Variants in HEPH observed in about 807,000 individuals in gnomAD.
The protein encoded by HEPH is hephaestin.
Under a neutral mutation model 80.8 loss-of-function variants are expected in HEPH, and 69 were observed. That is an observed-to-expected ratio of 0.85 (90% CI 0.70 to 1.04). The LOEUF (loss-of-function observed/expected upper bound fraction) is 1.04. Among genes scored for constraint, HEPH ranks in the 50% least tolerant of loss-of-function variants. HEPH has a pLI of 0.00. For synonymous variants in HEPH, 431 were observed against 322.8 expected, an observed-to-expected ratio of 1.34 and a Z score of -3.60; for missense variants, 1,115 against 891.3, an observed-to-expected ratio of 1.25 and a Z score of -3.20.
intron 13 of HEPH, 109 bp downstream of exon 13, chrX:66,203,686 A>G (rs2088605638): frequency 6.2e-6 from 4 of 642,310 alleles, no homozygotes; most frequent in Non-Finnish European, 9.5e-6. Flanking sequence ...CTAATGTGAT[A>G]CCAACAGATT....
In HEPH at chrX:66,173,577, T is replaced by C; in HGVS notation, c.413-12T>C. On this transcript the variant is annotated splice_polypyrimidine_tract_variant and intron_variant, in intron 3 of 20. Transcript: ENST00000343002. ...TTATTCTGGGCCTGTGCATGTACAATTTCATTTCTAGGTTCCCTATACCCA... is the reference window on the plus strand; with the variant it reads ...TTATTCTGGGCCTGTGCATGTACAACTTCATTTCTAGGTTCCCTATACCCA... 1 of 1,186,369 alleles carries C rather than the reference T, an allele frequency of 8.4e-7. No individual in the cohort carries two copies. The highest frequency in any genetic ancestry group is 1.1e-6 in the Non-Finnish European group (1 of 874,567).
chrX:66,189,993 C>T lies in HEPH; in HGVS notation c.1063+55C>T, dbSNP rs1421528648. On this transcript the variant is annotated intron_variant, in intron 6 of 20. Transcript: ENST00000343002. ...TGTAAGAGAGAGGTATGATAATGGTCAAGGGAGGCTGGGTTTCTGGCCTGA... is the reference window on the plus strand; with the variant it reads ...TGTAAGAGAGAGGTATGATAATGGTTAAGGGAGGCTGGGTTTCTGGCCTGA... 5 of 1,100,244 alleles carry T rather than the reference C, an allele frequency of 4.5e-6. No individual in the cohort carries two copies. In the East Asian group the frequency reaches 1.0e-4, roughly 22 times the overall value. The allele number at this position is 1,100,244 out of a possible 1,213,427, so 90.7% of individuals were successfully genotyped here. A position where few individuals can be genotyped will look rare whatever the true frequency, so the allele number is the denominator to read the frequency against.
Position 66,164,387 on chromosome X carries a change from A to C in HEPH, c.-97A>C. On this transcript the variant is annotated 5_prime_UTR_variant, in exon 1 of 21. It removes an upstream start codon present in the reference 5' UTR. Coordinates refer to ENST00000343002, the MANE Select transcript of HEPH (RefSeq NM_001367233.3). ...CCTGTAACCAAGATACTGACTGAAC[A>C]TGGCTGGCGGACTCAGGCTGGGGTC... 1 of 753,693 alleles carries C rather than the reference A, an allele frequency of 1.3e-6. No homozygotes were observed. The highest frequency in any genetic ancestry group is 1.6e-6 in the Non-Finnish European group (1 of 638,828). The allele number at this position is 753,693 out of a possible 1,213,427, so 62.1% of individuals were successfully genotyped here.
chrX:66,170,625 C>T lies in HEPH; in HGVS notation c.55C>T (p.Gln19Ter). 8.3e-7 allele frequency: 1 copy of T among 1,210,553 alleles called. No homozygotes were observed. The highest frequency in any genetic ancestry group is 1.1e-6 in the Non-Finnish European group (1 of 894,680). Residue 19 changes from glutamine to a stop codon, truncating the protein, a stop_gained, in exon 2 of 21, where the codon CAA (glutamine) becomes TAA (stop). Coordinates refer to ENST00000343002, the MANE Select transcript of HEPH (RefSeq NM_001367233.3). LOFTEE classifies it high-confidence loss of function. The part of the protein sequence containing the change: ...ALLFMQSLWP[Q>*]LTDGATRVYY... The stretch of plus-strand genomic sequence containing the variant: ...GCTGTTCATGCAGTCCTTGTGGCCT[C>T]AACTGACTGATGGAGCCACTCGAGT...
intron 15 of HEPH, among the ~76,000 whole-genome samples, chrX:66,228,178 C>A (rs2089971029): frequency 9.0e-6 from 1 of 111,552 alleles, no homozygotes; most frequent in Non-Finnish European, 1.9e-5. Flanking sequence ...GAAAATCAAG[C>A]AAAAGGGGTT....
intron 19 of HEPH, among the ~76,000 whole-genome samples, chrX:66,261,855 G>T (rs1394950422): frequency 1.8e-5 from 2 of 112,356 alleles, no homozygotes; most frequent in African/African-American, 6.5e-5. Context: ...CAGATTTACA[G>T]AAACTTCTTT....
chrX:66,261,959 T>G, intron 19 of HEPH, among the ~76,000 whole-genome samples: 1 of 112,236 alleles, frequency 8.9e-6, no homozygotes, highest in Non-Finnish European at 1.9e-5. Flanking sequence ...TCTCTATATG[T>G]AGTAATGGGT....
intron 15 of HEPH, among the ~76,000 whole-genome samples, chrX:66,242,826 C>A (rs2090654738): frequency 8.9e-6 from 1 of 111,733 alleles, no homozygotes; most frequent in South Asian, 3.7e-4. Context: ...CATCTCACAC[C>A]TGTCAGAGCA....
In HEPH at chrX:66,170,855, C is replaced by T. The variant is rs748091759; in HGVS notation, c.167+118C>T. The stretch of plus-strand genomic sequence containing the variant: ...GGTAGCAGCCAGCTCCTGATTGCTC[C>T]GAGCTGTACATACTCAGTGGCAGAT... On this transcript the variant is annotated intron_variant, in intron 2 of 20. Coordinates refer to ENST00000343002, the MANE Select transcript of HEPH (RefSeq NM_001367233.3). The T allele has an allele frequency of 6.0e-5, 35 of 585,705 alleles. No homozygotes were observed. In the East Asian group the frequency reaches 8.7e-4, roughly 15 times the overall value. 48.3% of individuals were successfully genotyped at this position (585,705 alleles called of 1,213,427 possible).
At position 66,200,749 on chromosome X, in the gene HEPH, C is replaced by A. The variant is rs1333056404; in HGVS notation, c.2074C>A (p.Leu692Ile). 8.3e-7 allele frequency: 1 copy of A among 1,206,725 alleles called. No homozygotes were observed. Among genetic ancestry groups the A allele is most frequent in the Non-Finnish European group, 1.1e-6 (1 of 891,768 alleles). The change falls in exon 12 of 21, where the codon CTT becomes ATT. Residue 692 changes from leucine to isoleucine, a missense_variant. Transcript: ENST00000343002. ...CATGGCCATCATGCAGCCTGACAAC[C>A]TTGGTAAGTGCCTTAGCAGCTGGCC... is the stretch of plus-strand genomic sequence containing the variant. Reference protein sequence around the residue: ...FVMAIMQPDNLGTFEIYCQAG... With the variant: ...FVMAIMQPDNIGTFEIYCQAG...
At chrX:66,226,147 G>A (rs760728289) in intron 15 of HEPH, among the ~76,000 whole-genome samples, 62 of 111,941 alleles carry the variant, frequency 5.5e-4, no homozygotes, top group Admixed American at 9.4e-4. Context: ...TAACATAACC[G>A]ATTAGGCTGG....
intron 4 of HEPH, among the ~76,000 whole-genome samples, chrX:66,186,533 T>G (rs982834334): frequency 8.9e-6 from 1 of 112,958 alleles, no homozygotes; most frequent in Non-Finnish European, 1.9e-5. Flanking sequence ...TGCTTCCCGG[T>G]GAGGCAATGC....
intron 9 of HEPH, among the ~76,000 whole-genome samples, chrX:66,197,311 T>C (rs993684611): frequency 2.7e-5 from 3 of 110,636 alleles, no homozygotes; most frequent in Non-Finnish European, 5.7e-5. Context: ...TGGCAGGTAG[T>C]GAGTCCCCCA....
In HEPH at chrX:66,231,257, C is replaced by T. The variant is rs1364879719; in HGVS notation, c.2563+23011C>T. ...TTGGCTTAGGATTGACTTGGTGATG[C>T]GGGCTCTTTTTTGGTTCCATATGAA... On this transcript the variant is annotated intron_variant, in intron 15 of 20. Transcript: ENST00000343002. 3.8e-3 allele frequency among the ~76,000 whole-genome samples: 411 copies of T among 108,164 alleles called. 2 individuals are homozygous for T. The highest frequency in any genetic ancestry group is 0.013 in the African/African-American group (388 of 29,459). 93.9% of individuals were successfully genotyped at this position (108,164 alleles called of 115,157 possible).
chrX:66,235,384 G>T (rs1184639652), intron 15 of HEPH, among the ~76,000 whole-genome samples: 2 of 112,119 alleles, frequency 1.8e-5, no homozygotes, highest in African/African-American at 6.5e-5. Context: ...TAAGGCGTAA[G>T]GAAGGGGTCC....
chrX:66,191,984 T>C, intron 6 of HEPH, 146 bp from the exon 7 acceptor site: 2 of 495,908 alleles, frequency 4.0e-6, no homozygotes, highest in Non-Finnish European at 3.2e-6. Flanking sequence ...ACTTTAAGAG[T>C]GAGAGAAAGC....
chrX:66,226,084 A>G (rs960649783), intron 15 of HEPH, among the ~76,000 whole-genome samples: 11 of 111,680 alleles, frequency 9.8e-5, no homozygotes, highest in Non-Finnish European at 1.9e-4. Flanking sequence ...ATGGAACAGA[A>G]CAGGACAGGG....
At chrX:66,222,895 G>A (rs998512549) in intron 15 of HEPH, among the ~76,000 whole-genome samples, 4 of 112,029 alleles carry the variant, frequency 3.6e-5, no homozygotes, top group Non-Finnish European at 5.6e-5. Flanking sequence ...GCAATAGAAC[G>A]AGGAAAGAAG....
chrX:66,256,218 T>C lies in HEPH; in HGVS notation c.2784T>C (p.Phe928=), dbSNP rs1167526044. 1.7e-6 allele frequency: 2 copies of C among 1,209,613 alleles called. No homozygotes were observed. The highest frequency in any genetic ancestry group is 2.2e-6 in the Non-Finnish European group (2 of 894,669). The part of the protein sequence containing the change: ...DREFALLFLI[F]DENKSWYLEE... ...AATTTGCATTGTTGTTCTTGATTTT[T>C]GATGAAAATAAGTCTTGGTATTTGG... The change falls in exon 17 of 21, where the codon TTT becomes TTC. Residue 928 remains phenylalanine (F), a synonymous_variant. Coordinates refer to ENST00000343002, the MANE Select transcript of HEPH (RefSeq NM_001367233.3).
Sources: allele counts gnomAD v4.1 joint callset (sites outside exome capture counted in the v4.1 genomes callset), GRCh38; gene constraint gnomAD v4.1.1; transcripts MANE v1.5; gene names NCBI Gene and HGNC (gene_info 2026-07-23, HGNC 2026-07-21).